Variants in VSTM2B observed in about 807,000 individuals in gnomAD.
VSTM2B encodes V-set and transmembrane domain containing 2B, also known as V-set and transmembrane domain-containing protein 2B.
A neutral mutation model predicts 24.0 loss-of-function variants in VSTM2B; 24 were observed. The ratio of observed to expected loss-of-function variants is 1.00; its 90% CI spans 0.72 to 1.40. The LOEUF is 1.40. Ranked by LOEUF, VSTM2B falls within the 40% of genes most tolerant of loss-of-function variation. The probability of loss-of-function intolerance (pLI) is 0.00; values close to 1 mark genes in which losing one functional copy is unlikely to be tolerated. For synonymous variants in VSTM2B, 226 were observed against 194.4 expected, an observed-to-expected ratio of 1.16 and a Z score of -1.35; for missense variants, 399 against 416.4, an observed-to-expected ratio of 0.96 and a Z score of 0.36.
At chr19:29,541,719 T>C (rs1970022798) in intron 4 of VSTM2B, among the ~76,000 whole-genome samples, 1 of 146,442 alleles carries the variant, frequency 6.8e-6, no homozygotes. Context: ...GGTGGATGGG[T>C]AGAAGGAAGG....
chr19:29,550,714 A>G (rs1970260107), intron 4 of VSTM2B, among the ~76,000 whole-genome samples: 1 of 152,144 alleles, frequency 6.6e-6, no homozygotes, highest in South Asian at 2.1e-4. Flanking sequence ...GCGTCAGCCT[A>G]TGAAATGAGC....
intron 4 of VSTM2B, among the ~76,000 whole-genome samples, chr19:29,533,542 C>G (rs1211956361): frequency 6.6e-6 from 1 of 152,232 alleles, no homozygotes; most frequent in Non-Finnish European, 1.5e-5. Context: ...AGGTGAAGCT[C>G]TCTTGAGAGT....
chr19:29,528,349 G>C, intron 2 of VSTM2B, 84 bp from the exon 3 acceptor site: 1 of 1,533,260 alleles, frequency 6.5e-7, no homozygotes, highest in Non-Finnish European at 8.8e-7. Flanking sequence ...CCGGAGGAGG[G>C]TGCCCTTGCC....
At chr19:29,552,927 A>G (rs1168688294) in intron 4 of VSTM2B, among the ~76,000 whole-genome samples, 1 of 152,148 alleles carries the variant, frequency 6.6e-6, no homozygotes, top group African/African-American at 2.4e-5. Context: ...GAATTTCAGC[A>G]ACTACAGCCA....
At chr19:29,531,691 G>A (rs1198689900) in intron 4 of VSTM2B, among the ~76,000 whole-genome samples, 1 of 152,232 alleles carries the variant, frequency 6.6e-6, no homozygotes, top group Non-Finnish European at 1.5e-5. Context: ...CAGGCTACTG[G>A]GGAAGGTAGG....
In VSTM2B at chr19:29,529,965, GCT is replaced by G. The variant is rs1162906221; in HGVS notation, c.448_449del (p.Ser150AlafsTer111). 2 of 1,547,644 alleles carry G rather than the reference GCT, an allele frequency of 1.3e-6. No homozygotes were observed. The highest frequency in any genetic ancestry group is 3.9e-5 in the Admixed American group (2 of 50,982). On this transcript the variant is annotated frameshift_variant, in exon 4 of 5. Transcript: ENST00000335523. LOFTEE classifies it high-confidence loss of function. ...ACAAGGCCCAGGCGATGCTGCGCGT[GCT>G]CTCGCGCTTCGCGCCGCCCAACATG... ...EHKAQAMLRV[L>X]SRFAPPNMQA...
intron 4 of VSTM2B, among the ~76,000 whole-genome samples, chr19:29,554,989 A>G (rs1970374545): frequency 6.6e-6 from 1 of 152,148 alleles, no homozygotes; most frequent in South Asian, 2.1e-4. Flanking sequence ...CCCCATTGTC[A>G]ATATTAGATC....
chr19:29,532,022 A>G (rs1285624691), intron 4 of VSTM2B, among the ~76,000 whole-genome samples: 1 of 152,220 alleles, frequency 6.6e-6, no homozygotes, highest in African/African-American at 2.4e-5. Context: ...CCCTAAGAGA[A>G]TTAAGCCCTA....
chr19:29,529,033 C>G, intron 3 of VSTM2B: 1 of 985,472 alleles, frequency 1.0e-6, no homozygotes, highest in Non-Finnish European at 1.2e-6. Context: ...TGCGCCCAAG[C>G]TTCCCACCTG....
intron 4 of VSTM2B, among the ~76,000 whole-genome samples, chr19:29,557,955 C>T (rs8100086): frequency 0.089 from 13,538 of 152,060 alleles, 1,266 homozygotes; most frequent in African/African-American, 0.24. Context: ...ATCCATCTGA[C>T]AAAGGTCTGA....
chr19:29,542,757 GGGATACAAGTTGAGGCTTGCA>G (rs1198536090), intron 4 of VSTM2B, among the ~76,000 whole-genome samples: 1 of 152,144 alleles, frequency 6.6e-6, no homozygotes, highest in Admixed American at 6.5e-5. Flanking sequence ...GGGTAGATTT[GGGATACAAGTTGAGGCTTGCA>G]GGATGGGTGG....
intron 4 of VSTM2B, among the ~76,000 whole-genome samples, chr19:29,561,602 G>A (rs2145520741): frequency 6.6e-6 from 1 of 152,302 alleles, no homozygotes; most frequent in South Asian, 2.1e-4. Flanking sequence ...TCCAGCCCGG[G>A]CAACAAGAGC....
intron 2 of VSTM2B, 113 bp from the exon 3 acceptor site, chr19:29,528,320 C>A (rs1969637348): frequency 2.3e-6 from 3 of 1,315,440 alleles, no homozygotes; most frequent in African/African-American, 1.5e-5. Context: ...ATCCCCCGGG[C>A]GGTTTCGGTC....
intron 4 of VSTM2B, among the ~76,000 whole-genome samples, chr19:29,533,875 G>C (rs1331681235): frequency 6.6e-6 from 1 of 152,244 alleles, no homozygotes; most frequent in Non-Finnish European, 1.5e-5. Flanking sequence ...CGGAACCACA[G>C]CAGCCTGAGC....
chr19:29,558,271 A>G (rs553367237), intron 4 of VSTM2B, among the ~76,000 whole-genome samples: 1 of 152,358 alleles, frequency 6.6e-6, no homozygotes, highest in South Asian at 2.1e-4. Flanking sequence ...GGGAATATAA[A>G]TTAGTTCAAC....
intron 4 of VSTM2B, among the ~76,000 whole-genome samples, chr19:29,547,721 C>T (rs1170618823): frequency 6.6e-6 from 1 of 152,124 alleles, no homozygotes; most frequent in African/African-American, 2.4e-5. Context: ...ACAGCACAGA[C>T]ATTTGTGCCA....
intron 4 of VSTM2B, among the ~76,000 whole-genome samples, chr19:29,536,667 G>T (rs938859107): frequency 2.0e-5 from 3 of 152,098 alleles, no homozygotes; most frequent in Non-Finnish European, 4.4e-5. Context: ...AAGACAGAGC[G>T]CTCTCTCTGT....
intron 2 of VSTM2B, among the ~76,000 whole-genome samples, chr19:29,527,745 C>T (rs995744710): frequency 6.6e-6 from 1 of 152,264 alleles, no homozygotes; most frequent in East Asian, 1.9e-4. Context: ...TCAGGCTCTC[C>T]CCGCCCTCTG....
At chr19:29,531,780 T>C (rs111332279) in intron 4 of VSTM2B, among the ~76,000 whole-genome samples, 5 of 152,340 alleles carry the variant, frequency 3.3e-5, no homozygotes, top group East Asian at 3.9e-4. Context: ...CTGTGACAAA[T>C]AAACCCCAAA....
Sources: allele counts gnomAD v4.1 joint callset (sites outside exome capture counted in the v4.1 genomes callset), GRCh38; gene constraint gnomAD v4.1.1; transcripts MANE v1.5; gene names NCBI Gene and HGNC (gene_info 2026-07-23, HGNC 2026-07-21).